Variants in GPR137C observed in about 807,000 individuals in gnomAD.
The protein encoded by GPR137C is integral membrane protein GPR137C.
In GPR137C, 27 loss-of-function variants were observed where a neutral mutation model predicts 43.4. The observed-to-expected ratio is 0.62, with a 90% CI of 0.46 to 0.86. The LOEUF (loss-of-function observed/expected upper bound fraction) is 0.86. Ranked by LOEUF, GPR137C falls within the 40% of genes least tolerant of loss-of-function variation. The pLI is 0.00. For synonymous variants in GPR137C, 285 were observed against 226.9 expected, an observed-to-expected ratio of 1.26 and a Z score of -2.30; for missense variants, 522 against 534.6, an observed-to-expected ratio of 0.98 and a Z score of 0.23.
intron 1 of GPR137C, among the ~76,000 whole-genome samples, chr14:52,583,817 T>C (rs1013157243): frequency 6.6e-6 from 1 of 152,218 alleles, no homozygotes; most frequent in Non-Finnish European, 1.5e-5. Context: ...AAAACCCTTA[T>C]TGATAACCCA....
intron 1 of GPR137C, among the ~76,000 whole-genome samples, chr14:52,565,569 G>A (rs1457632654): frequency 6.6e-6 from 1 of 152,116 alleles, no homozygotes; most frequent in Non-Finnish European, 1.5e-5. Flanking sequence ...AAGAAATTTT[G>A]CATACCCTTC....
At chr14:52,600,848 T>G (rs1343771332) in intron 3 of GPR137C, among the ~76,000 whole-genome samples, 2 of 152,178 alleles carry the variant, frequency 1.3e-5, no homozygotes, top group Non-Finnish European at 2.9e-5. Context: ...CATCTTAAGA[T>G]TTTGCACAAT....
chr14:52,632,951 G>A (rs2039311914), intron 4 of GPR137C, among the ~76,000 whole-genome samples: 1 of 152,016 alleles, frequency 6.6e-6, no homozygotes, highest in Non-Finnish European at 1.5e-5. Flanking sequence ...GAATTTAAGG[G>A]TTCCGGGAAT....
chr14:52,605,212 G>A (rs915588194), intron 3 of GPR137C, among the ~76,000 whole-genome samples: 2 of 151,872 alleles, frequency 1.3e-5, no homozygotes, highest in African/African-American at 2.4e-5. Flanking sequence ...TCCATTTTTT[G>A]TGTCCTCTTC....
intron 1 of GPR137C, among the ~76,000 whole-genome samples, chr14:52,581,390 G>A (rs1454461426): frequency 6.7e-6 from 1 of 148,784 alleles, no homozygotes; most frequent in African/African-American, 2.5e-5. Context: ...AAAAAAAATA[G>A]CTGGGCATGG....
At chr14:52,587,861 G>A (rs536238144) in intron 1 of GPR137C, among the ~76,000 whole-genome samples, 1 of 152,178 alleles carries the variant, frequency 6.6e-6, no homozygotes, top group South Asian at 2.1e-4. Flanking sequence ...GGTGGAGCTA[G>A]GCAATAAAAA....
chr14:52,588,561 A>G (rs1329874578), intron 1 of GPR137C, among the ~76,000 whole-genome samples: 1 of 152,256 alleles, frequency 6.6e-6, no homozygotes, highest in Non-Finnish European at 1.5e-5. Context: ...ACCAAAATGC[A>G]TATCCAAAAT....
At chr14:52,578,137 A>G (rs1374032437) in intron 1 of GPR137C, among the ~76,000 whole-genome samples, 2 of 152,154 alleles carry the variant, frequency 1.3e-5, no homozygotes, top group African/African-American at 4.8e-5. Flanking sequence ...CTGAAATTTC[A>G]TAGTGATGTA....
At position 52,635,000 on chromosome 14, in the gene GPR137C, A is replaced by T; in HGVS notation, c.1175A>T (p.Tyr392Phe). Residue 392 changes from tyrosine (Y) to phenylalanine (F), a missense_variant, in exon 7 of 7, where the codon TAC becomes TTC. Tyr to Phe is a conservative substitution (Grantham distance 22). Around this residue, in one of 3 missense-constraint regions of GPR137C, gnomAD observed 67 missense variants for 69.0 expected, o/e 0.97. Transcript: ENST00000321662. The stretch of plus-strand genomic sequence containing the variant: ...ATGACTGGGTGTGGCAGCAGCAGTT[A>T]CACAGTCACTCCCCACCTGAATGGA... ...GTMTGCGSSS[Y>F]TVTPHLNGPM... The T allele has an allele frequency of 6.2e-7, 1 of 1,612,802 alleles. No homozygotes were observed. The highest frequency in any genetic ancestry group is 8.5e-7 in the Non-Finnish European group (1 of 1,179,386).
rs780049174 is a variant in GPR137C, at chr14:52,600,235, G to A, written c.611G>A (p.Arg204Gln). The change falls in exon 3 of 7, where the codon CGA becomes CAA. Residue 204 changes from arginine (R) to glutamine (Q), a missense_variant. Arg to Gln is a conservative substitution (Grantham distance 43, BLOSUM62 1). Transcript: ENST00000321662. Reference protein sequence around the residue: ...ENQLKWTVFVRALINDSLFIL... With the variant: ...ENQLKWTVFVQALINDSLFIL... ...CAGTTGAAGTGGACTGTGTTTGTTC[G>A]AGCATTAATTAATGATAGCCTGTTT... The A allele has an allele frequency of 9.9e-6, 16 of 1,613,482 alleles. No individual in the cohort carries two copies. The highest frequency in any genetic ancestry group is 6.7e-5 in the East Asian group (3 of 44,856).
chr14:52,612,180 G>A, intron 3 of GPR137C: 1 of 982,402 alleles, frequency 1.0e-6, no homozygotes, highest in Non-Finnish European at 1.2e-6. Flanking sequence ...GAAAGAATAT[G>A]ATTTCTTTAA....
intron 3 of GPR137C, among the ~76,000 whole-genome samples, chr14:52,631,893 A>G (rs1594811156): frequency 6.6e-6 from 1 of 151,836 alleles, no homozygotes; most frequent in South Asian, 2.1e-4. Flanking sequence ...GTTTATTCAT[A>G]TATTACAAGG....
rs1347236042 is a variant in GPR137C, at chr14:52,553,093, C to T, written c.-55C>T. ...CAGTCCTTCTCCCCTTCGACGGCGG[C>T]TCCGAGTCCAGCCCCTTCCTTCCCG... On this transcript the variant is annotated 5_prime_UTR_variant, in exon 1 of 7. Transcript: ENST00000321662. 5 of 1,002,980 alleles carry T rather than the reference C, an allele frequency of 5.0e-6. No individual in the cohort carries two copies. The highest frequency in any genetic ancestry group is 6.2e-6 in the Non-Finnish European group (5 of 806,900). 62.1% of individuals were successfully genotyped at this position (1,002,980 alleles called of 1,614,324 possible).
chr14:52,591,400 C>T (rs1278515344), intron 1 of GPR137C, among the ~76,000 whole-genome samples: 4 of 152,148 alleles, frequency 2.6e-5, no homozygotes, highest in South Asian at 2.1e-4. Flanking sequence ...CTTGAGGAAT[C>T]GCCACACTGT....
intron 3 of GPR137C, among the ~76,000 whole-genome samples, chr14:52,617,119 T>A (rs1209752362): frequency 6.6e-6 from 1 of 152,182 alleles, no homozygotes; most frequent in African/African-American, 2.4e-5. Context: ...TCAGCCATGG[T>A]GATCTTATGA....
In GPR137C at chr14:52,633,860, T is replaced by C. The variant is rs1371351146; in HGVS notation, c.1026T>C (p.Tyr342=). Residue 342 remains tyrosine (Y), a synonymous_variant, in exon 6 of 7, where the codon TAT becomes TAC. Coordinates refer to ENST00000321662, the MANE Select transcript of GPR137C (RefSeq NM_001099652.2). ...CTGGCATGATAAATAGTCACAGTTA[T>C]AGTTCCAGAGCTTACTTTTTCGACA... ...APAGMINSHS[Y]SSRAYFFDNP... is the part of the protein sequence containing the mutation. 13 of 1,612,520 alleles carry C rather than the reference T, an allele frequency of 8.1e-6. No individual in the cohort carries two copies. The highest frequency in any genetic ancestry group is 1.1e-5 in the Non-Finnish European group (13 of 1,178,842).
At chr14:52,603,829 G>A (rs777948239) in intron 3 of GPR137C, among the ~76,000 whole-genome samples, 1 of 152,076 alleles carries the variant, frequency 6.6e-6, no homozygotes, top group Non-Finnish European at 1.5e-5. Flanking sequence ...GGGAGCCACT[G>A]TGCCCAGCCT....
intron 3 of GPR137C, among the ~76,000 whole-genome samples, chr14:52,617,403 G>A (rs1269933612): frequency 6.6e-6 from 1 of 152,096 alleles, no homozygotes; most frequent in Non-Finnish European, 1.5e-5. Context: ...AACTGGCCGG[G>A]CGCGGGGGCT....
intron 3 of GPR137C, among the ~76,000 whole-genome samples, chr14:52,622,276 C>A (rs2139569497): frequency 6.6e-6 from 1 of 152,086 alleles, no homozygotes; most frequent in Non-Finnish European, 1.5e-5. Context: ...TATTGGTGAA[C>A]TTTTTGTCCT....
Sources: gnomAD v4.1 joint callset for allele counts (sites outside exome capture counted in the v4.1 genomes callset) on GRCh38, gnomAD v4.1.1 for gene constraint, gnomAD v4.1.1 regional missense constraint, MANE v1.5 for transcripts, NCBI Gene and HGNC (gene_info 2026-07-23, HGNC 2026-07-21) for gene names.